Variants in KBTBD7 observed in about 807,000 individuals in gnomAD.
KBTBD7 encodes kelch repeat and BTB domain containing 7.
KBTBD7 carries 25 observed loss-of-function variants against 50.3 expected under a neutral mutation model. The observed-to-expected ratio is 0.50, with a 90% CI of 0.36 to 0.69. KBTBD7 has a LOEUF of 0.69. Among genes scored for constraint, KBTBD7 ranks in the 30% least tolerant of loss-of-function variants. The pLI, the probability that KBTBD7 is intolerant of heterozygous loss-of-function variation, is 0.00. For missense variants in KBTBD7, 653 were observed against 869.5 expected, an observed-to-expected ratio of 0.75 and a Z score of 3.13; for synonymous variants, 305 against 325.3, an observed-to-expected ratio of 0.94 and a Z score of 0.67.
Position 41,191,396 on chromosome 13 carries a change from T to G in KBTBD7, c.*807A>C, listed in dbSNP as rs915981326. The G allele has an allele frequency of 2.6e-5, 4 of 151,542 alleles. No individual in the cohort carries two copies. Among genetic ancestry groups the G allele is most frequent in the African/African-American group, 9.6e-5 (4 of 41,456 alleles). The allele number at this position is 151,542 out of a possible 1,614,324, so 9.4% of individuals were successfully genotyped here. On this transcript the variant is annotated 3_prime_UTR_variant, in exon 1 of 1. Coordinates refer to ENST00000379483, the MANE Select transcript of KBTBD7 (RefSeq NM_032138.7). ...ACATAAAAAGCAAGTTACCGTTTTT[T>G]TTTTTTTTTTTGGTTTAGAAGGGTG...
Position 41,194,248 on chromosome 13 carries a change from G to C in KBTBD7, c.10C>G (p.Arg4Gly). 6.2e-7 allele frequency: 1 copy of C among 1,613,520 alleles called. No homozygotes were observed. The highest frequency in any genetic ancestry group is 1.1e-5 in the South Asian group (1 of 91,060). The change falls in exon 1 of 1, where the codon CGG (arginine) becomes GGG (glycine). Residue 4 changes from arginine (R) to glycine (G), a missense_variant. By Grantham distance (125) the Arg-to-Gly change is moderately radical. Around this residue, in one of 3 missense-constraint regions of KBTBD7, gnomAD observed 119 missense variants for 125.0 expected, o/e 0.95. Transcript: ENST00000379483. Reference protein sequence around the residue: MQSREDVPRSRRLA... With the variant: MQSGEDVPRSRRLA... ...CGGCGAGAGCGCGGGACGTCTTCCC[G>C]GGACTGCATGGTGGAGATGGCGACG...
In KBTBD7 at chr13:41,193,057, G is replaced by T; in HGVS notation, c.1201C>A (p.Pro401Thr). The change falls in exon 1 of 1, where the codon CCC becomes ACC. Residue 401 changes from proline (P) to threonine (T), a missense_variant. By Grantham distance (38) the Pro-to-Thr change is conservative. This residue lies in a region of KBTBD7 where 526 missense variants were observed against 717.1 expected (regional missense o/e 0.73). Transcript: ENST00000379483. The surrounding 1 kb of genome is among the most constrained non-coding windows in gnomAD (Gnocchi z 5.7). ...PDHDIYLAAQPRKDLWVYKPA... is the reference protein window; with the variant it reads ...PDHDIYLAAQTRKDLWVYKPA... ...TTATACACCCAGAGGTCTTTCCTGGGCTGAGCAGCTAGATAGATGTCATGG... is the reference window on the plus strand; with the variant it reads ...TTATACACCCAGAGGTCTTTCCTGGTCTGAGCAGCTAGATAGATGTCATGG... 6.2e-7 allele frequency: 1 copy of T among 1,614,228 alleles called. No individual in the cohort carries two copies. The highest frequency in any genetic ancestry group is 8.5e-7 in the Non-Finnish European group (1 of 1,180,042).
Position 41,193,169 on chromosome 13 carries a change from C to G in KBTBD7, c.1089G>C (p.Ser363=), listed in dbSNP as rs1326245158. The G allele has an allele frequency of 1.9e-6, 3 of 1,614,016 alleles. No homozygotes were observed. In the East Asian group the frequency reaches 6.7e-5, roughly 36 times the overall value. The part of the protein sequence containing the change: ...RDPFLCYDPY[S]GDIYTMPSPL... ...GGGATGGCATTGTGTAAATGTCCCCCGAGTAAGGGTCATAGCAGAGAAAGG... is the reference window on the plus strand; with the variant it reads ...GGGATGGCATTGTGTAAATGTCCCCGGAGTAAGGGTCATAGCAGAGAAAGG... The change falls in exon 1 of 1, where the codon TCG becomes TCC. Residue 363 remains serine, a synonymous_variant. Coordinates refer to ENST00000379483, the MANE Select transcript of KBTBD7 (RefSeq NM_032138.7). This position sits in a 1 kb window ranked among gnomAD's most constrained non-coding sequence, Gnocchi z 5.7.
In KBTBD7 at chr13:41,193,638, C is replaced by T. The variant is rs2031452883; in HGVS notation, c.620G>A (p.Gly207Asp). The change falls in exon 1 of 1, where the codon GGT becomes GAT. Residue 207 changes from glycine to aspartate, a missense_variant. Transcript: ENST00000379483. This position sits in a 1 kb window ranked among gnomAD's most constrained non-coding sequence, Gnocchi z 5.7. ...TGCTAGAGTCTCCTCCCGAATTGAA[C>T]CCATTCGGCTGAGCTGCTTGAAGTT... ...AHNFKQLSRM[G>D]SIREETLADL... 1 of 1,614,202 alleles carries T rather than the reference C, an allele frequency of 6.2e-7. No individual in the cohort carries two copies. Among genetic ancestry groups the T allele is most frequent in the African/African-American group, 1.3e-5 (1 of 75,044 alleles).
rs564204242 is a variant in KBTBD7 at position 41,190,503 on chromosome 13, T to G, written c.*1700A>C. ...GACTCCTCTGTCCTCTGCCAGGGTATAAGAAAAGTTAGCATTCTGTCACTA... is the reference window on the plus strand; with the variant it reads ...GACTCCTCTGTCCTCTGCCAGGGTAGAAGAAAAGTTAGCATTCTGTCACTA... On this transcript the variant is annotated 3_prime_UTR_variant, in exon 1 of 1. Coordinates refer to ENST00000379483, the MANE Select transcript of KBTBD7 (RefSeq NM_032138.7). The G allele has an allele frequency of 6.6e-6, 1 of 152,274 alleles. No individual in the cohort carries two copies. The highest frequency in any genetic ancestry group is 1.9e-4 in the East Asian group (1 of 5,190). 9.4% of individuals were successfully genotyped at this position (152,274 alleles called of 1,614,324 possible). A position where few individuals can be genotyped will look rare whatever the true frequency, so the allele number is the denominator to read the frequency against.
chr13:41,191,666 G>A lies in KBTBD7; in HGVS notation c.*537C>T, dbSNP rs1354609914. On this transcript the variant is annotated 3_prime_UTR_variant, in exon 1 of 1. Coordinates refer to ENST00000379483, the MANE Select transcript of KBTBD7 (RefSeq NM_032138.7). The stretch of plus-strand genomic sequence containing the variant: ...ATATATAAATCCAATTTTTTCCTTT[G>A]TAGAAGAAAACCAAAATAATTTTAC... 7.3e-6 allele frequency: 1 copy of A among 137,646 alleles called. No individual in the cohort carries two copies. The highest frequency in any genetic ancestry group is 1.5e-5 in the Non-Finnish European group (1 of 65,406). The allele number at this position is 137,646 out of a possible 1,614,324, so 8.5% of individuals were successfully genotyped here. A position where few individuals can be genotyped will look rare whatever the true frequency, so the allele number is the denominator to read the frequency against.
Position 41,193,644 on chromosome 13 carries a change from C to A in KBTBD7, c.614G>T (p.Arg205Leu). Residue 205 changes from arginine (R) to leucine (L), a missense_variant, in exon 1 of 1, where the codon CGA becomes CTA. Physicochemically the swap from Arg to Leu is moderately radical, Grantham distance 102. Around this residue, in one of 3 missense-constraint regions of KBTBD7, gnomAD observed 526 missense variants for 717.1 expected, o/e 0.73. Transcript: ENST00000379483. This position sits in a 1 kb window ranked among gnomAD's most constrained non-coding sequence, Gnocchi z 5.7. ...AGTCTCCTCCCGAATTGAACCCATT[C>A]GGCTGAGCTGCTTGAAGTTGTGAGC... ...YIAHNFKQLS[R>L]MGSIREETLA... 1 of 1,614,178 alleles carries A rather than the reference C, an allele frequency of 6.2e-7. No homozygotes were observed. The highest frequency in any genetic ancestry group is 1.6e-4 in the Middle Eastern group (1 of 6,062).
In KBTBD7 at chr13:41,194,229, G is replaced by C. The variant is rs930494734; in HGVS notation, c.29C>G (p.Ser10Cys). 6.2e-7 allele frequency: 1 copy of C among 1,614,108 alleles called. No homozygotes were observed. The highest frequency in any genetic ancestry group is 1.7e-5 in the Admixed American group (1 of 60,016). ...ACCACGGGGACTGGCGAGGCGGCGA[G>C]AGCGCGGGACGTCTTCCCGGGACTG... MQSREDVPR[S>C]RRLASPRGGR... Residue 10 changes from serine to cysteine, a missense_variant, in exon 1 of 1, where the codon TCT (serine) becomes TGT (cysteine). By Grantham distance (112) the Ser-to-Cys change is moderately radical. Around this residue, in one of 3 missense-constraint regions of KBTBD7, gnomAD observed 119 missense variants for 125.0 expected, o/e 0.95. Transcript: ENST00000379483.
rs1300471445 is a variant in KBTBD7 at position 41,190,393 on chromosome 13, A to G, written c.*1810T>C. The G allele has an allele frequency of 6.6e-6, 1 of 152,168 alleles. No homozygotes were observed. The highest frequency in any genetic ancestry group is 2.4e-5 in the African/African-American group (1 of 41,442). The allele number at this position is 152,168 out of a possible 1,614,324, so 9.4% of individuals were successfully genotyped here. On this transcript the variant is annotated 3_prime_UTR_variant, in exon 1 of 1. Transcript: ENST00000379483. ...TGGCCAATCAAAATGACTAAGAAACATTATCGTGTGTTTTTTTGTTTGTTT... is the reference window on the plus strand; with the variant it reads ...TGGCCAATCAAAATGACTAAGAAACGTTATCGTGTGTTTTTTTGTTTGTTT...
In KBTBD7 at chr13:41,194,113, G is replaced by A; in HGVS notation, c.145C>T (p.Leu49=). 1 of 1,614,248 alleles carries A rather than the reference G, an allele frequency of 6.2e-7. No homozygotes were observed. Among genetic ancestry groups the A allele is most frequent in the South Asian group, 1.1e-5 (1 of 91,090 alleles). The change falls in exon 1 of 1, where the codon CTG becomes TTG. Residue 49 remains leucine (L), a synonymous_variant. Coordinates refer to ENST00000379483, the MANE Select transcript of KBTBD7 (RefSeq NM_032138.7). ...ELKDTAHSAA[L]LAQLKSFYDA... ...TAGAAGGACTTGAGCTGTGCCAGCAGGGCTGCAGAATGGGCCGTGTCCTTT... is the reference window on the plus strand; with the variant it reads ...TAGAAGGACTTGAGCTGTGCCAGCAAGGCTGCAGAATGGGCCGTGTCCTTT...
In KBTBD7 at chr13:41,190,690, G is replaced by T. The variant is rs1029471859; in HGVS notation, c.*1513C>A. On this transcript the variant is annotated 3_prime_UTR_variant, in exon 1 of 1. Transcript: ENST00000379483. ...ATATGTATTAATAAACCTTCAAAAGGTAAGCACCTATATTTTCTTGTAATT... is the reference window on the plus strand; with the variant it reads ...ATATGTATTAATAAACCTTCAAAAGTTAAGCACCTATATTTTCTTGTAATT... 5.3e-5 allele frequency: 8 copies of T among 152,036 alleles called. No homozygotes were observed. Among genetic ancestry groups the T allele is most frequent in the Non-Finnish European group, 1.2e-4 (8 of 67,966 alleles). 9.4% of individuals were successfully genotyped at this position (152,036 alleles called of 1,614,324 possible).
rs1253375381 is a variant in KBTBD7 at position 41,191,054 on chromosome 13, G to A, written c.*1149C>T. On this transcript the variant is annotated 3_prime_UTR_variant, in exon 1 of 1. Coordinates refer to ENST00000379483, the MANE Select transcript of KBTBD7 (RefSeq NM_032138.7). Reference sequence around the variant, plus strand: ...ATAATACACAGCTTAAAGTTTTAAAGTTCTTGGCTGGCAGTTGATTTTTTT... The same window carrying A: ...ATAATACACAGCTTAAAGTTTTAAAATTCTTGGCTGGCAGTTGATTTTTTT... 1.3e-5 allele frequency: 2 copies of A among 152,090 alleles called. No homozygotes were observed. Among genetic ancestry groups the A allele is most frequent in the Non-Finnish European group, 2.9e-5 (2 of 67,978 alleles). 9.4% of individuals were successfully genotyped at this position (152,090 alleles called of 1,614,324 possible). A position where few individuals can be genotyped will look rare whatever the true frequency, so the allele number is the denominator to read the frequency against.
rs2138571118 is a variant in KBTBD7 at position 41,191,152 on chromosome 13, A to G, written c.*1051T>C. On this transcript the variant is annotated 3_prime_UTR_variant, in exon 1 of 1. Coordinates refer to ENST00000379483, the MANE Select transcript of KBTBD7 (RefSeq NM_032138.7). ...TTAGCTTATACATATGTTCTAAACC[A>G]TATTACCTCACAAAACAGTAAAGAA... The G allele has an allele frequency of 6.6e-6, 1 of 152,302 alleles. No individual in the cohort carries two copies. The highest frequency in any genetic ancestry group is 1.9e-4 in the East Asian group (1 of 5,194). 9.4% of individuals were successfully genotyped at this position (152,302 alleles called of 1,614,324 possible). A position where few individuals can be genotyped will look rare whatever the true frequency, so the allele number is the denominator to read the frequency against.
rs775836259 is a variant in KBTBD7, at chr13:41,193,281, G to A, written c.977C>T (p.Ser326Phe). The change falls in exon 1 of 1, where the codon TCT (serine) becomes TTT (phenylalanine). Residue 326 changes from serine to phenylalanine, a missense_variant. By Grantham distance (155) the Ser-to-Phe change is radical (BLOSUM62 -2). Coordinates refer to ENST00000379483, the MANE Select transcript of KBTBD7 (RefSeq NM_032138.7). The surrounding 1 kb of genome is among the most constrained non-coding windows in gnomAD (Gnocchi z 5.7). The stretch of plus-strand genomic sequence containing the variant: ...TGGATTTTCTGCTGCAGATACAAGA[G>A]AGTTGCTGCTGCTACTGCTGCTGCT... ...NSSSSSSSSN[S>F]LVSAAENPPQ... The A allele has an allele frequency of 1.2e-6, 2 of 1,612,618 alleles. No individual in the cohort carries two copies. Among genetic ancestry groups the A allele is most frequent in the East Asian group, 4.5e-5 (2 of 44,878 alleles).
Position 41,192,761 on chromosome 13 carries a change from A to G in KBTBD7, c.1497T>C (p.Pro499=). ...CACAGTTCAGCCACATATTGTGGCTAGGATCATAGCAAAGCATGCGCTTAC... is the reference window on the plus strand; with the variant it reads ...CACAGTTCAGCCACATATTGTGGCTGGGATCATAGCAAAGCATGCGCTTAC... ...VNSKRMLCYD[P]SHNMWLNCAS... Residue 499 remains proline (P), a synonymous_variant, in exon 1 of 1, where the codon CCT becomes CCC. Transcript: ENST00000379483. 3.7e-6 allele frequency: 6 copies of G among 1,614,168 alleles called. No individual in the cohort carries two copies. The highest frequency in any genetic ancestry group is 1.7e-6 in the Non-Finnish European group (2 of 1,179,958).
Position 41,193,312 on chromosome 13 carries a change from T to G in KBTBD7, c.946A>C (p.Asn316His), listed in dbSNP as rs773642846. The change falls in exon 1 of 1, where the codon AAC becomes CAC. Residue 316 changes from asparagine (N) to histidine (H), a missense_variant. This residue lies in a region of KBTBD7 where 526 missense variants were observed against 717.1 expected (regional missense o/e 0.73). Transcript: ENST00000379483. The surrounding 1 kb of genome is among the most constrained non-coding windows in gnomAD (Gnocchi z 5.7). ...CTGCTGCTACTGCTGCTGCTGCTGT[T>G]TGGCACTGGCACCAGAGACTTGTAC... ...LLYKSLVPVP[N>H]SSSSSSSSNS... 3.1e-6 allele frequency: 5 copies of G among 1,611,700 alleles called. No individual in the cohort carries two copies. In the South Asian group the frequency reaches 5.5e-5, roughly 18 times the overall value.
chr13:41,192,353 A>C lies in KBTBD7; in HGVS notation c.1905T>G (p.Asp635Glu). The C allele has an allele frequency of 6.2e-7, 1 of 1,614,204 alleles. No homozygotes were observed. ...ATTCAGTACTAGACTCACTCCGTGC[A>C]TCATCTTCCTCAGTAATAAAACTCT... is the stretch of plus-strand genomic sequence containing the variant. ...PGQSFITEED[D>E]ARSESSTEWD... is the part of the protein sequence containing the mutation. Residue 635 changes from aspartate to glutamate, a missense_variant, in exon 1 of 1, where the codon GAT (aspartate) becomes GAG (glutamate). This residue lies in a region of KBTBD7 where 526 missense variants were observed against 717.1 expected (regional missense o/e 0.73). Transcript: ENST00000379483.
chr13:41,192,738 C>T lies in KBTBD7; in HGVS notation c.1520G>A (p.Cys507Tyr), dbSNP rs2031423152. The change falls in exon 1 of 1, where the codon TGT becomes TAT. Residue 507 changes from cysteine to tyrosine, a missense_variant. Cys to Tyr is a radical substitution (Grantham distance 194). Around this residue, in one of 3 missense-constraint regions of KBTBD7, gnomAD observed 526 missense variants for 717.1 expected, o/e 0.73. Coordinates refer to ENST00000379483, the MANE Select transcript of KBTBD7 (RefSeq NM_032138.7). ...AAAGTCACTACGTTTAAGAGAAGCA[C>T]AGTTCAGCCACATATTGTGGCTAGG... The part of the protein sequence containing the change: ...YDPSHNMWLN[C>Y]ASLKRSDFQE... The T allele has an allele frequency of 6.2e-7, 1 of 1,614,160 alleles. No individual in the cohort carries two copies.
rs1246529260 is a variant in KBTBD7 at position 41,193,448 on chromosome 13, G to C, written c.810C>G (p.Phe270Leu). 1 of 1,614,020 alleles carries C rather than the reference G, an allele frequency of 6.2e-7. No individual in the cohort carries two copies. Among genetic ancestry groups the C allele is most frequent in the East Asian group, 2.2e-5 (1 of 44,886 alleles). The change falls in exon 1 of 1, where the codon TTC (phenylalanine) becomes TTG (leucine). Residue 270 changes from phenylalanine to leucine, a missense_variant. By Grantham distance (22) the Phe-to-Leu change is conservative (BLOSUM62 0). This residue lies in a region of KBTBD7 where 526 missense variants were observed against 717.1 expected (regional missense o/e 0.73). Coordinates refer to ENST00000379483, the MANE Select transcript of KBTBD7 (RefSeq NM_032138.7). The surrounding 1 kb of genome is among the most constrained non-coding windows in gnomAD (Gnocchi z 5.7). ...EVFKCVRWMH[F>L]TEEDQDYLEG... The stretch of plus-strand genomic sequence containing the variant: ...CTAAGTAGTCCTGATCTTCTTCAGT[G>C]AAGTGCATCCAGCGCACGCACTTGA...
Sources: allele counts gnomAD v4.1 joint callset, GRCh38; gene constraint gnomAD v4.1.1; regional missense constraint gnomAD v4.1.1; non-coding constraint Gnocchi (gnomAD v3.1); transcripts MANE v1.5; gene names NCBI Gene and HGNC (gene_info 2026-07-23, HGNC 2026-07-21).